The following TENM1 variants were observed in gnomAD, a reference collection of about 807,000 sequenced individuals.
TENM1 encodes teneurin transmembrane protein 1, also known as teneurin-1.
In TENM1, 35 loss-of-function variants were observed where a neutral mutation model predicts 174.8. That is an observed-to-expected ratio of 0.20 (90% confidence interval 0.15 to 0.27). The LOEUF (loss-of-function observed/expected upper bound fraction) is 0.27, where lower values mean the gene tolerates loss of function less well. Among genes scored for constraint, TENM1 ranks in the 10% least tolerant of loss-of-function variants. The pLI is 1.00. For synonymous variants in TENM1, 781 were observed against 798.7 expected (o/e 0.98, Z 0.37); for missense variants, 1,633 against 2,130.1 (o/e 0.77, Z 4.59).
At chrX:124,686,714 T>C (rs998020469) in intron 5 of TENM1, among the ~76,000 whole-genome samples, 2 of 112,227 alleles carry the variant, frequency 1.8e-5, no homozygotes, top group African/African-American at 6.5e-5. Context: ...TCAATAAAAT[T>C]CAACATCCCT....
the TENM1 span, among the ~76,000 whole-genome samples, chrX:125,083,959 C>T: frequency 9.0e-6 from 1 of 110,832 alleles, no homozygotes; most frequent in Non-Finnish European, 1.9e-5. Flanking sequence ...TGGGGATGCT[C>T]AAGTTTGTAG....
chrX:125,004,918 C>T, the TENM1 span, among the ~76,000 whole-genome samples: 2 of 110,635 alleles, frequency 1.8e-5, no homozygotes, highest in African/African-American at 3.3e-5. Flanking sequence ...TACACAAGAA[C>T]GTTTAATAAT....
At chrX:124,492,189 C>T (rs1260178993) in intron 20 of TENM1, among the ~76,000 whole-genome samples, 1 of 111,727 alleles carries the variant, frequency 9.0e-6, no homozygotes, top group Admixed American at 9.5e-5. Context: ...CAACCAATAA[C>T]ATAATGGCTA....
chrX:124,588,689 T>A (rs5910097), intron 11 of TENM1, among the ~76,000 whole-genome samples: 1 of 110,046 alleles, frequency 9.1e-6, no homozygotes, highest in African/African-American at 3.3e-5. Flanking sequence ...ACTTAAAGTA[T>A]AATAATAATA....
chrX:124,945,827 T>C (rs1226997736), intron 1 of TENM1, among the ~76,000 whole-genome samples: 1 of 111,250 alleles, frequency 9.0e-6, no homozygotes, highest in South Asian at 3.8e-4. Context: ...AAAATAAGAA[T>C]GGAGGATCAG....
At chrX:125,184,919 C>T in the TENM1 span, among the ~76,000 whole-genome samples, 7 of 111,724 alleles carry the variant, frequency 6.3e-5, no homozygotes, top group African/African-American at 1.6e-4. Context: ...CATTTTCTCA[C>T]GTAGTCCACC....
At chrX:124,659,888 C>T (rs2148410905) in intron 6 of TENM1, among the ~76,000 whole-genome samples, 1 of 111,360 alleles carries the variant, frequency 9.0e-6, no homozygotes, top group East Asian at 2.8e-4. Context: ...AAGAATAATA[C>T]TTTCAACAAA....
intron 18 of TENM1, 104 bp downstream of exon 21, chrX:124,520,413 C>T: frequency 2.3e-6 from 2 of 881,415 alleles, no homozygotes; most frequent in Non-Finnish European, 3.2e-6. Flanking sequence ...GTCCTTTAAA[C>T]AGAAGAAAAT....
chrX:124,865,092 C>T (rs968227086), intron 3 of TENM1, among the ~76,000 whole-genome samples: 1 of 111,536 alleles, frequency 9.0e-6, no homozygotes, highest in East Asian at 2.8e-4. Context: ...CAATACCAGA[C>T]CTGTTCTACA....
chrX:125,197,103 T>G, the TENM1 span, among the ~76,000 whole-genome samples: 3 of 111,634 alleles, frequency 2.7e-5, no homozygotes, highest in African/African-American at 9.7e-5. Context: ...CTCTTTGACC[T>G]TAGCCAGTGA....
chrX:124,469,333 G>A (rs937494981), intron 22 of TENM1, among the ~76,000 whole-genome samples: 1 of 111,529 alleles, frequency 9.0e-6, no homozygotes, highest in Non-Finnish European at 1.9e-5. Flanking sequence ...TACTTATTCT[G>A]TGCCAGGCAC....
the TENM1 span, among the ~76,000 whole-genome samples, chrX:125,125,792 G>C: frequency 2.7e-5 from 3 of 112,021 alleles, no homozygotes; most frequent in African/African-American, 9.7e-5. Context: ...TAGTGGTATA[G>C]AATCAATACA....
At chrX:124,948,237 C>T (rs2058431228) in intron 1 of TENM1, among the ~76,000 whole-genome samples, 1 of 111,602 alleles carries the variant, frequency 9.0e-6, no homozygotes, top group Non-Finnish European at 1.9e-5. Flanking sequence ...CAACAGAGAA[C>T]GTGATGAAGA....
chrX:124,832,571 G>A (rs2056312682), intron 3 of TENM1, among the ~76,000 whole-genome samples: 1 of 111,886 alleles, frequency 8.9e-6, no homozygotes, highest in Non-Finnish European at 1.9e-5. Context: ...AAGATTACAG[G>A]AATTTACATA....
rs1192479491 is a variant in TENM1, at chrX:124,471,335, CTATATATAA to C, written c.3949+10388_3949+10396del. ...GTACTATATATTATAATATATAGTA[CTATATATAA>C]TATATATTATAATATATAGTACTAT... On this transcript the variant is annotated intron_variant, in intron 22 of 31. Coordinates refer to ENST00000422452, the Ensembl canonical transcript of TENM1. Among the ~76,000 whole-genome samples, 48 of 10,509 alleles carry C rather than the reference CTATATATAA, an allele frequency of 4.6e-3. 1 individual carries two copies. The highest frequency in any genetic ancestry group is 0.016 in the African/African-American group (36 of 2,312). The allele number at this position is 10,509 out of a possible 115,157, so 9.1% of individuals were successfully genotyped here. A position where few individuals can be genotyped will look rare whatever the true frequency, so the allele number is the denominator to read the frequency against.
exon 32 of TENM1, chrX:124,376,155 A>C (rs772222317): frequency 5.4e-5 from 6 of 111,748 alleles, no homozygotes; most frequent in Non-Finnish European, 1.1e-4. Context: ...ATTGGAACCT[A>C]TTGTTTCCTA....
At chrX:124,685,561 G>GTTTGTTTTTTTTT (rs1361404893) in intron 5 of TENM1, among the ~76,000 whole-genome samples, 1 of 94,494 alleles carries the variant, frequency 1.1e-5, no homozygotes, top group African/African-American at 4.0e-5. Context: ...AAGCAAATCT[G>GTTTGTTTTTTTTT]TTTTTTTTTT....
chrX:125,032,725 C>G, the TENM1 span, among the ~76,000 whole-genome samples: 270 of 111,238 alleles, frequency 2.4e-3, 1 homozygote, highest in Non-Finnish European at 4.6e-3. Context: ...TGCCACTCTC[C>G]CATTTACTTT....
At chrX:125,199,911 A>G in the TENM1 span, among the ~76,000 whole-genome samples, 1 of 111,661 alleles carries the variant, frequency 9.0e-6, no homozygotes, top group Non-Finnish European at 1.9e-5. Context: ...ATGGGTTCCA[A>G]ATGTAAGCAA....
Sources: gnomAD v4.1 joint callset for allele counts (sites outside exome capture counted in the v4.1 genomes callset) on GRCh38, gnomAD v4.1.1 for gene constraint, MANE v1.5 for transcripts, NCBI Gene and HGNC (gene_info 2026-07-23, HGNC 2026-07-21) for gene names.